The following THSD7B variants were observed in gnomAD, a reference collection of about 807,000 sequenced individuals.
THSD7B encodes the protein thrombospondin type-1 domain-containing protein 7B.
In THSD7B, 138 loss-of-function variants were observed where a neutral mutation model predicts 213.6. The ratio of observed to expected loss-of-function variants is 0.65; its 90% confidence interval spans 0.56 to 0.74. The LOEUF is 0.74. THSD7B is among the 30% of genes least tolerant of loss of function. The pLI is 0.00. For synonymous variants in THSD7B, 742 were observed against 687.0 expected, an observed-to-expected ratio of 1.08 and a Z score of -1.25; for missense variants, 1,931 against 1,991.5, an observed-to-expected ratio of 0.97 and a Z score of 0.58.
intron 12 of THSD7B, among the ~76,000 whole-genome samples, chr2:137,299,815 A>C (rs1486495245): frequency 6.6e-6 from 1 of 152,138 alleles, no homozygotes; most frequent in East Asian, 1.9e-4. Context: ...AGTATAGGAA[A>C]TTGATTTTGT....
At chr2:136,983,371 G>GACACACACACACA (rs1398395384) in intron 2 of THSD7B, among the ~76,000 whole-genome samples, 9 of 141,232 alleles carry the variant, frequency 6.4e-5, no homozygotes, top group East Asian at 2.1e-4. Flanking sequence ...ACACACACAC[G>GACACACACACACA]CACACACACT....
intron 5 of THSD7B, among the ~76,000 whole-genome samples, chr2:137,144,411 T>C (rs1167884123): frequency 6.6e-6 from 1 of 152,146 alleles, no homozygotes; most frequent in Non-Finnish European, 1.5e-5. Flanking sequence ...TTATTCAACA[T>C]TTATTGAGTG....
chr2:136,946,135 A>G (rs967589155), intron 2 of THSD7B, among the ~76,000 whole-genome samples: 3 of 152,082 alleles, frequency 2.0e-5, no homozygotes, highest in African/African-American at 7.2e-5. Context: ...TGATCTACAT[A>G]TGGGGTTTTG....
chr2:136,957,723 C>T (rs1217681144), intron 2 of THSD7B, among the ~76,000 whole-genome samples: 1 of 152,066 alleles, frequency 6.6e-6, no homozygotes, highest in East Asian at 1.9e-4. Flanking sequence ...AAGTTTGAGG[C>T]AAGTGATAAC....
intron 16 of THSD7B, among the ~76,000 whole-genome samples, chr2:137,566,269 T>A (rs1385413959): frequency 2.0e-5 from 3 of 152,196 alleles, no homozygotes; most frequent in African/African-American, 7.2e-5. Context: ...GACAATATAA[T>A]GTCATTGAGT....
At chr2:136,816,399 G>C (rs994696448) in intron 1 of THSD7B, among the ~76,000 whole-genome samples, 14 of 152,116 alleles carry the variant, frequency 9.2e-5, no homozygotes, top group African/African-American at 3.4e-4. Context: ...CTGGTATCCT[G>C]CTTTAAGAGT....
intron 6 of THSD7B, among the ~76,000 whole-genome samples, chr2:137,163,665 G>A (rs1035357348): frequency 6.6e-6 from 1 of 152,208 alleles, no homozygotes; most frequent in Non-Finnish European, 1.5e-5. Flanking sequence ...CTTCCAGCCT[G>A]CAGAACTCTG....
chr2:137,019,418 G>A (rs1284152801), intron 2 of THSD7B, among the ~76,000 whole-genome samples: 1 of 152,202 alleles, frequency 6.6e-6, no homozygotes, highest in Non-Finnish European at 1.5e-5. Context: ...AGTTACCACG[G>A]AATAACTTCC....
At chr2:137,089,245 GGT>G (rs70975799) in intron 3 of THSD7B, among the ~76,000 whole-genome samples, 11,889 of 126,452 alleles carry the variant, frequency 0.094, 567 homozygotes, top group East Asian at 0.2. Flanking sequence ...TAAAGAAAGT[GGT>G]GTGTGTGTGT....
chr2:137,673,483 A>G (rs1424555647), intron 27 of THSD7B, among the ~76,000 whole-genome samples: 2 of 152,198 alleles, frequency 1.3e-5, no homozygotes, highest in African/African-American at 4.8e-5. Flanking sequence ...CCAGGCATTT[A>G]TGGGTCCTGA....
intron 12 of THSD7B, among the ~76,000 whole-genome samples, chr2:137,338,613 TA>T (rs1684692618): frequency 6.6e-6 from 1 of 152,104 alleles, no homozygotes; most frequent in South Asian, 2.1e-4. Flanking sequence ...TAATAAAAAT[TA>T]AATGCAACAA....
chr2:137,404,463 A>C (rs1318173105), intron 12 of THSD7B, among the ~76,000 whole-genome samples: 24 of 109,698 alleles, frequency 2.2e-4, no homozygotes, highest in Non-Finnish European at 4.2e-4. Flanking sequence ...ATATATATAT[A>C]TATATATATA....
chr2:137,263,545 A>C (rs1231562151), intron 10 of THSD7B, among the ~76,000 whole-genome samples: 1 of 152,160 alleles, frequency 6.6e-6, no homozygotes, highest in African/African-American at 2.4e-5. Flanking sequence ...ATGATTATAA[A>C]AATTTAAGAA....
At chr2:137,007,710 A>C (rs1686144282) in intron 2 of THSD7B, among the ~76,000 whole-genome samples, 1 of 152,144 alleles carries the variant, frequency 6.6e-6, no homozygotes, top group Admixed American at 6.5e-5. Flanking sequence ...AAAAGAGATT[A>C]AGGCATACAC....
At chr2:137,600,865 G>A (rs1382973098) in intron 17 of THSD7B, among the ~76,000 whole-genome samples, 1 of 152,176 alleles carries the variant, frequency 6.6e-6, no homozygotes, top group African/African-American at 2.4e-5. Flanking sequence ...TGCCCCTGAA[G>A]ACCTTCTAGT....
intron 5 of THSD7B, among the ~76,000 whole-genome samples, chr2:137,123,460 A>G (rs1395534240): frequency 6.6e-6 from 1 of 152,166 alleles, no homozygotes; most frequent in Non-Finnish European, 1.5e-5. Context: ...TTGATGATAA[A>G]TGGTGGTCAG....
rs138169978 is a variant in THSD7B at position 136,842,297 on chromosome 2, A to G, written c.-35-39847A>G. Among the ~76,000 whole-genome samples, 12 of 152,342 alleles carry G rather than the reference A, an allele frequency of 7.9e-5. No individual in the cohort carries two copies. In the East Asian group the frequency reaches 1.9e-3, roughly 24 times the overall value. On this transcript the variant is annotated intron_variant, in intron 1 of 27. Transcript: ENST00000409968. ...TACACAGGAAGTAGAGAAGCCAAAG[A>G]AGTACTAACAGTGTGAAACAGTTTG...
At chr2:136,853,102 C>G (rs557969800) in intron 1 of THSD7B, among the ~76,000 whole-genome samples, 1 of 152,022 alleles carries the variant, frequency 6.6e-6, no homozygotes, top group South Asian at 2.1e-4. Context: ...GAATACTCTA[C>G]TGTTTCCCAC....
chr2:137,660,227 T>G lies in THSD7B; in HGVS notation c.4458+481T>G, dbSNP rs368969401. 8.9e-4 allele frequency among the ~76,000 whole-genome samples: 135 copies of G among 152,300 alleles called. 3 individuals are homozygous for G. In the South Asian group the frequency reaches 0.025, roughly 28 times the overall value. On this transcript the variant is annotated intron_variant, in intron 25 of 27. Coordinates refer to ENST00000409968, the MANE Select transcript of THSD7B (RefSeq NM_001316349.2). ...TGGGGTGGCGGTTATGCATGTATTT[T>G]TTTTTCAAAGCAGAAATTTATTTGT...
Sources: gnomAD v4.1 joint callset for allele counts (sites outside exome capture counted in the v4.1 genomes callset) on GRCh38, gnomAD v4.1.1 for gene constraint, MANE v1.5 for transcripts, NCBI Gene and HGNC (gene_info 2026-07-23, HGNC 2026-07-21) for gene names.